TNKS1BP1: variants seen among roughly 807,000 people sequenced by gnomAD.
The protein encoded by TNKS1BP1 is 182 kDa tankyrase-1-binding protein.
Under a neutral mutation model 141.1 loss-of-function variants are expected in TNKS1BP1, and 48 were observed. The ratio of observed to expected loss-of-function variants is 0.34; its 90% CI spans 0.27 to 0.43. The LOEUF is 0.43. Ranked by LOEUF, TNKS1BP1 falls within the 20% of genes least tolerant of loss-of-function variation. The pLI is 1.00. For missense variants in TNKS1BP1, 2,149 were observed against 2,226.0 expected (o/e 0.97, Z 0.70); for synonymous variants, 875 against 898.2 (o/e 0.97, Z 0.46).
intron 1 of TNKS1BP1, among the ~76,000 whole-genome samples, chr11:57,324,285 T>A (rs1008027921): frequency 6.6e-6 from 1 of 152,038 alleles, no homozygotes; most frequent in African/African-American, 2.4e-5. Context: ...CCCCGGGCAA[T>A]GGGCTGTCTG....
Position 57,313,286 on chromosome 11 carries a change from A to G in TNKS1BP1, c.1402T>C (p.Ser468Pro). The change falls in exon 5 of 12, where the codon TCC (serine) becomes CCC (proline). Residue 468 changes from serine (S) to proline (P), a missense_variant. Physicochemically the swap from Ser to Pro is moderately conservative, Grantham distance 74 (BLOSUM62 -1). Coordinates refer to ENST00000358252, the MANE Select transcript of TNKS1BP1 (RefSeq NM_033396.3). Reference protein sequence around the residue: ...LALDRPFGAESNWSLSQSFEW... With the variant: ...LALDRPFGAEPNWSLSQSFEW... ...AAGGACTGTGATAAGCTCCAGTTGG[A>G]CTCTGCCCCAAAGGGACGATCCAGG... 1 of 1,612,702 alleles carries G rather than the reference A, an allele frequency of 6.2e-7. No individual in the cohort carries two copies. The highest frequency in any genetic ancestry group is 1.1e-5 in the South Asian group (1 of 91,056).
rs547867074 is a variant in TNKS1BP1 at position 57,301,928 on chromosome 11, C to T, written c.4850G>A (p.Arg1617Gln). The change falls in exon 9 of 12, where the codon CGG (arginine) becomes CAG (glutamine). Residue 1617 changes from arginine to glutamine, a missense_variant. Physicochemically the swap from Arg to Gln is conservative, Grantham distance 43 (BLOSUM62 1). Coordinates refer to ENST00000358252, the MANE Select transcript of TNKS1BP1 (RefSeq NM_033396.3). ...FQDSTEPRAS[R>Q]VPSSDEEVVE... The stretch of plus-strand genomic sequence containing the variant: ...TACCTCTTCATCTGAAGATGGCACC[C>T]GAGATGCCCGTGGCTCTGCAAAGGC... 23 of 1,613,912 alleles carry T rather than the reference C, an allele frequency of 1.4e-5. No individual in the cohort carries two copies. Among genetic ancestry groups the T allele is most frequent in the East Asian group, 4.5e-5 (2 of 44,864 alleles).
chr11:57,322,900 C>A (rs1275890164), intron 1 of TNKS1BP1, among the ~76,000 whole-genome samples: 1 of 152,174 alleles, frequency 6.6e-6, no homozygotes, highest in East Asian at 1.9e-4. Flanking sequence ...CTGAGGGGGA[C>A]AGAAGAAATT....
chr11:57,317,021 T>C (rs1217989870), intron 4 of TNKS1BP1, among the ~76,000 whole-genome samples: 2 of 152,206 alleles, frequency 1.3e-5, no homozygotes, highest in Non-Finnish European at 2.9e-5. Context: ...AAAGCACCAA[T>C]GCCTTTGTAC....
In TNKS1BP1 at chr11:57,320,253, G is replaced by A. The variant is rs1480848660; in HGVS notation, c.554C>T (p.Ser185Phe). The change falls in exon 3 of 12, where the codon TCC becomes TTC. Residue 185 changes from serine (S) to phenylalanine (F), a missense_variant. Ser to Phe is a radical substitution (Grantham distance 155). Coordinates refer to ENST00000358252, the MANE Select transcript of TNKS1BP1 (RefSeq NM_033396.3). ...VLASPDRLWG[S>F]RLTFNHDGSS... ...GCCATCGTGGTTAAAGGTGAGGCGG[G>A]AACCCCACAGGCGGTCGGGGCTGGC... is the stretch of plus-strand genomic sequence containing the variant. The A allele has an allele frequency of 1.2e-6, 2 of 1,614,062 alleles. No homozygotes were observed. Among genetic ancestry groups the A allele is most frequent in the Non-Finnish European group, 1.7e-6 (2 of 1,180,044 alleles).
In TNKS1BP1 at chr11:57,308,829, T is replaced by C. The variant is rs759472039; in HGVS notation, c.3882A>G (p.Ala1294=). Residue 1294 remains alanine, a synonymous_variant, in exon 6 of 12, where the codon GCA becomes GCG. Coordinates refer to ENST00000358252, the MANE Select transcript of TNKS1BP1 (RefSeq NM_033396.3). ...DLGLRNMAPG[A]VCSPGESKEL... is the part of the protein sequence containing the mutation. ...CTTTGGACTCTCCAGGACTGCAGAC[T>C]GCCCCTGGGGCCATGTTTCTCAGCC... 1 of 1,614,140 alleles carries C rather than the reference T, an allele frequency of 6.2e-7. No homozygotes were observed. The highest frequency in any genetic ancestry group is 8.5e-7 in the Non-Finnish European group (1 of 1,180,012).
At position 57,302,285 on chromosome 11, in the gene TNKS1BP1, C is replaced by A. The variant is rs1855536931; in HGVS notation, c.4684-61G>T. Reference sequence around the variant, plus strand: ...GCCTCATCCCACGGGAGCCCCTCAACAGTAGCTGACCAGGAGCTGGACCCC... The same window carrying A: ...GCCTCATCCCACGGGAGCCCCTCAAAAGTAGCTGACCAGGAGCTGGACCCC... On this transcript the variant is annotated intron_variant, in intron 7 of 11. Transcript: ENST00000358252. This position sits in a 1 kb window ranked among gnomAD's most constrained non-coding sequence, Gnocchi z 5.5. 6.4e-7 allele frequency: 1 copy of A among 1,566,770 alleles called. No individual in the cohort carries two copies. Among genetic ancestry groups the A allele is most frequent in the Non-Finnish European group, 8.7e-7 (1 of 1,153,898 alleles).
At chr11:57,319,904 T>C (rs756715470) in intron 3 of TNKS1BP1, among the ~76,000 whole-genome samples, 175 bp downstream of exon 3, 24 of 152,164 alleles carry the variant, frequency 1.6e-4, no homozygotes, top group Non-Finnish European at 7.3e-5. Context: ...CACCATCTGC[T>C]GGGGAATGAT....
In TNKS1BP1 at chr11:57,308,962, G is replaced by A; in HGVS notation, c.3749C>T (p.Ala1250Val). 6.2e-7 allele frequency: 1 copy of A among 1,614,044 alleles called. No individual in the cohort carries two copies. Among genetic ancestry groups the A allele is most frequent in the Non-Finnish European group, 8.5e-7 (1 of 1,180,020 alleles). The change falls in exon 6 of 12, where the codon GCC (alanine) becomes GTC (valine). Residue 1250 changes from alanine (A) to valine (V), a missense_variant. Ala to Val is a moderately conservative substitution (Grantham distance 64). Coordinates refer to ENST00000358252, the MANE Select transcript of TNKS1BP1 (RefSeq NM_033396.3). Reference sequence around the variant, plus strand: ...AGTCTGCCCCACGCCACTCTCTCTGGCCTGGCTGTGGCCTCCTCCCTCCCC... The same window carrying A: ...AGTCTGCCCCACGCCACTCTCTCTGACCTGGCTGTGGCCTCCTCCCTCCCC... ...EVGEGGGHSQ[A>V]RESGVGQTDW... is the part of the protein sequence containing the mutation.
rs1855894029 is a variant in TNKS1BP1, at chr11:57,321,926, G to A, written c.-41C>T. 7 of 1,611,580 alleles carry A rather than the reference G, an allele frequency of 4.3e-6. No individual in the cohort carries two copies. The highest frequency in any genetic ancestry group is 2.7e-5 in the African/African-American group (2 of 74,968). On this transcript the variant is annotated 5_prime_UTR_variant, in exon 2 of 12. Transcript: ENST00000358252. The stretch of plus-strand genomic sequence containing the variant: ...CTCCTTGAGAGCGGGGAGGCAGAGA[G>A]GTATGAGCTGGGGTGGCTGCAGACC...
chr11:57,303,875 C>A (rs1855568068), intron 6 of TNKS1BP1, among the ~76,000 whole-genome samples: 1 of 152,120 alleles, frequency 6.6e-6, no homozygotes, highest in African/African-American at 2.4e-5. Context: ...CATAGCAAGA[C>A]CCCATCTAAA....
chr11:57,320,764 G>C, intron 2 of TNKS1BP1, 52 bp from the exon 3 acceptor site: 2 of 1,493,326 alleles, frequency 1.3e-6, no homozygotes, highest in Non-Finnish European at 1.8e-6. Flanking sequence ...CCAGGAAGCA[G>C]AACTTCTTTG....
At chr11:57,321,971 G>T in intron 1 of TNKS1BP1, 21 bp from the exon 2 acceptor site, 1 of 1,515,814 alleles carries the variant, frequency 6.6e-7, no homozygotes, top group African/African-American at 1.4e-5. Flanking sequence ...AGAGAGAAGA[G>T]AAGGAAAAAA....
In TNKS1BP1 at chr11:57,310,259, G is replaced by A; in HGVS notation, c.2452C>T (p.Leu818Phe). 1.2e-6 allele frequency: 2 copies of A among 1,614,076 alleles called. No homozygotes were observed. Among genetic ancestry groups the A allele is most frequent in the Non-Finnish European group, 1.7e-6 (2 of 1,180,038 alleles). The change falls in exon 6 of 12, where the codon CTC becomes TTC. Residue 818 changes from leucine to phenylalanine, a missense_variant. Physicochemically the swap from Leu to Phe is conservative, Grantham distance 22 (BLOSUM62 0). Transcript: ENST00000358252. The part of the protein sequence containing the change: ...DQSKVSAPGV[L>F]TAQDRVVGKP... Reference sequence around the variant, plus strand: ...CCAACTACCCGGTCCTGGGCTGTGAGCACCCCTGGGGCAGACACTTTACTC... The same window carrying A: ...CCAACTACCCGGTCCTGGGCTGTGAACACCCCTGGGGCAGACACTTTACTC...
At chr11:57,303,818 G>A (rs1034684528) in intron 6 of TNKS1BP1, among the ~76,000 whole-genome samples, 6 of 152,116 alleles carry the variant, frequency 3.9e-5, no homozygotes, top group Non-Finnish European at 7.4e-5. Flanking sequence ...GGGAGGCCAG[G>A]GCAGGGGGAT....
rs1855945464 is a variant in TNKS1BP1, at chr11:57,324,896, G to GCCGCCGCCGCTGCTA, written c.-137_-123dup. The GCCGCCGCCGCTGCTA allele has an allele frequency of 3.6e-5, 35 of 981,956 alleles. No homozygotes were observed. Among genetic ancestry groups the GCCGCCGCCGCTGCTA allele is most frequent in the Non-Finnish European group, 4.2e-5 (35 of 826,842 alleles). 60.8% of individuals were successfully genotyped at this position (981,956 alleles called of 1,614,324 possible). On this transcript the variant is annotated 5_prime_UTR_variant, in exon 1 of 12. Coordinates refer to ENST00000358252, the MANE Select transcript of TNKS1BP1 (RefSeq NM_033396.3). ...CGGGGCCCCGATGCCAGTCCCCGCCGCCGCCGCCGCTGCTACCGCCGCCGC... is the reference window on the plus strand; with the variant it reads ...CGGGGCCCCGATGCCAGTCCCCGCCGCCGCCGCCGCTGCTACCGCCGCCGCTGCTACCGCCGCCGC...
Position 57,300,545 on chromosome 11 carries a change from C to CCTT in TNKS1BP1, c.5182_5184dup (p.Lys1728dup), listed in dbSNP as rs747063587. ...GTCCTCACCTCAGTGACTTCTCAGA[C>CCTT]CTTCTTCTTCTTCAGTTTCAGGGCT... On this transcript the variant is annotated inframe_insertion, in exon 11 of 12. Coordinates refer to ENST00000358252, the MANE Select transcript of TNKS1BP1 (RefSeq NM_033396.3). 3.7e-6 allele frequency: 6 copies of CCTT among 1,614,064 alleles called. No homozygotes were observed. Among genetic ancestry groups the CCTT allele is most frequent in the Non-Finnish European group, 5.1e-6 (6 of 1,180,010 alleles).
chr11:57,322,273 T>C (rs987723368), intron 1 of TNKS1BP1: 6 of 1,031,092 alleles, frequency 5.8e-6, no homozygotes, highest in Non-Finnish European at 7.0e-6. Context: ...ACGGCCCCGC[T>C]GGAGGTGTCT....
At chr11:57,323,998 C>T (rs1855923837) in intron 1 of TNKS1BP1, among the ~76,000 whole-genome samples, 1 of 152,200 alleles carries the variant, frequency 6.6e-6, no homozygotes, top group Non-Finnish European at 1.5e-5. Context: ...CCAAGGCCAC[C>T]AAGGCTGTGG....
Sources: gnomAD v4.1 joint callset for allele counts (sites outside exome capture counted in the v4.1 genomes callset) on GRCh38, gnomAD v4.1.1 for gene constraint, Gnocchi (gnomAD v3.1) non-coding constraint, MANE v1.5 for transcripts, NCBI Gene and HGNC (gene_info 2026-07-23, HGNC 2026-07-21) for gene names.